The following ADGRL3 variants were observed in gnomAD, a reference collection of about 807,000 sequenced individuals.
The protein encoded by ADGRL3 is calcium-independent alpha-latrotoxin receptor 3.
Under a neutral mutation model 153.5 loss-of-function variants are expected in ADGRL3, and 62 were observed. That is an observed-to-expected ratio of 0.40 (90% CI 0.33 to 0.50). The LOEUF is 0.50. Among genes scored for constraint, ADGRL3 ranks in the 20% least tolerant of loss-of-function variants. ADGRL3 has a pLI of 0.47. For synonymous variants in ADGRL3, 710 were observed against 672.5 expected (o/e 1.06, Z -0.86); for missense variants, 1,641 against 1,859.4 (o/e 0.88, Z 2.16).
chr4:61,524,096 G>A (rs2098546341), intron 4 of ADGRL3, among the ~76,000 whole-genome samples: 1 of 152,046 alleles, frequency 6.6e-6, no homozygotes, highest in African/African-American at 2.4e-5. Flanking sequence ...CTCAGAATAA[G>A]TCAATTACTA....
chr4:61,891,042 T>A (rs1164885429), intron 9 of ADGRL3, among the ~76,000 whole-genome samples: 9 of 152,182 alleles, frequency 5.9e-5, no homozygotes, highest in African/African-American at 2.2e-4. Flanking sequence ...GAATTTTATG[T>A]TGGGATTGTG....
chr4:61,233,901 A>G (rs903206279), intron 1 of ADGRL3, among the ~76,000 whole-genome samples: 2 of 152,186 alleles, frequency 1.3e-5, no homozygotes, highest in African/African-American at 4.8e-5. Flanking sequence ...AAGATTGACA[A>G]TAAAGGTAGT....
At chr4:61,896,325 AT>A (rs1349800865) in intron 11 of ADGRL3, among the ~76,000 whole-genome samples, 3 of 152,168 alleles carry the variant, frequency 2.0e-5, no homozygotes, top group African/African-American at 7.2e-5. Flanking sequence ...TATGTTGAAC[AT>A]TTTTATTATT....
intron 4 of ADGRL3, among the ~76,000 whole-genome samples, chr4:61,567,412 A>T (rs2098820745): frequency 6.6e-6 from 1 of 152,146 alleles, no homozygotes; most frequent in South Asian, 2.1e-4. Context: ...AGGTGATAAG[A>T]TCACGAAGGC....
At chr4:61,812,227 A>G (rs2097636271) in intron 8 of ADGRL3, among the ~76,000 whole-genome samples, 1 of 152,170 alleles carries the variant, frequency 6.6e-6, no homozygotes. Flanking sequence ...TTAGTATTCC[A>G]CTGAAACATG....
chr4:61,227,066 TA>T lies in ADGRL3; in HGVS notation c.-240+25303del, dbSNP rs557614899. Reference sequence around the variant, plus strand: ...TTTTTAATTTATGTTTTCTGAAGTTTAACTTGAATTATAGTGCCTAGCACAT... The same window carrying T: ...TTTTTAATTTATGTTTTCTGAAGTTTACTTGAATTATAGTGCCTAGCACAT... On this transcript the variant is annotated intron_variant, in intron 1 of 26. Transcript: ENST00000683033. Among the ~76,000 whole-genome samples, 111 of 152,264 alleles carry T rather than the reference TA, an allele frequency of 7.3e-4. No individual in the cohort carries two copies. The East Asian group carries it at 0.013, about 18-fold the overall frequency.
chr4:61,702,119 A>G (rs2095775559), intron 6 of ADGRL3, among the ~76,000 whole-genome samples: 1 of 152,166 alleles, frequency 6.6e-6, no homozygotes, highest in African/African-American at 2.4e-5. Context: ...TTAGATATGT[A>G]AAGGATGATA....
At chr4:61,835,732 A>G (rs1419691936) in intron 9 of ADGRL3, among the ~76,000 whole-genome samples, 3 of 151,842 alleles carry the variant, frequency 2.0e-5, no homozygotes, top group South Asian at 2.1e-4. Flanking sequence ...ATGGGGGGAA[A>G]AAACCTCAGT....
chr4:61,827,162 A>ATGCT (rs2097815637), intron 9 of ADGRL3, among the ~76,000 whole-genome samples: 1 of 152,230 alleles, frequency 6.6e-6, no homozygotes, highest in African/African-American at 2.4e-5. Context: ...CCCTGGGGTT[A>ATGCT]AAGCCTTTGC....
chr4:61,792,277 A>T (rs2097352357), intron 8 of ADGRL3, among the ~76,000 whole-genome samples: 1 of 152,074 alleles, frequency 6.6e-6, no homozygotes, highest in South Asian at 2.1e-4. Context: ...CGTTTCACAC[A>T]TCTCTAGGGC....
chr4:61,744,088 G>A lies in ADGRL3; in HGVS notation c.1399+10534G>A, dbSNP rs184431968. Among the ~76,000 whole-genome samples, 5 of 152,288 alleles carry A rather than the reference G, an allele frequency of 3.3e-5. No homozygotes were observed. The South Asian group carries it at 8.3e-4, about 25-fold the overall frequency. ...CCGCACCTGGCTCGGAGGGTCCTAG[G>A]CCCATGGAGTCTCGCTGATTGCTAG... is the stretch of plus-strand genomic sequence containing the variant. On this transcript the variant is annotated intron_variant, in intron 8 of 26. Transcript: ENST00000683033.
intron 5 of ADGRL3, among the ~76,000 whole-genome samples, chr4:61,651,299 A>C (rs2150384874): frequency 6.6e-6 from 1 of 152,318 alleles, no homozygotes; most frequent in South Asian, 2.1e-4. Context: ...GGTACACCAT[A>C]AATATAAGTC....
chr4:61,550,397 A>G (rs913349696), intron 4 of ADGRL3, among the ~76,000 whole-genome samples: 1 of 152,030 alleles, frequency 6.6e-6, no homozygotes, highest in Non-Finnish European at 1.5e-5. Context: ...CACTTTTCTT[A>G]AGAAAGACAA....
chr4:61,878,670 C>T (rs1435525157), intron 9 of ADGRL3, among the ~76,000 whole-genome samples: 1 of 152,144 alleles, frequency 6.6e-6, no homozygotes, highest in Non-Finnish European at 1.5e-5. Context: ...TTAGAGTTCA[C>T]TTATTTATCA....
At chr4:61,837,108 C>T (rs2097948361) in intron 9 of ADGRL3, among the ~76,000 whole-genome samples, 1 of 152,024 alleles carries the variant, frequency 6.6e-6, no homozygotes, top group African/African-American at 2.4e-5. Flanking sequence ...GTTCATCCAG[C>T]TATTAAGTGC....
chr4:61,731,095 A>G (rs1282860270), intron 7 of ADGRL3, among the ~76,000 whole-genome samples: 4 of 152,020 alleles, frequency 2.6e-5, no homozygotes, highest in Non-Finnish European at 1.5e-5. Flanking sequence ...CAATTTTGAT[A>G]ACAATGGATA....
intron 1 of ADGRL3, among the ~76,000 whole-genome samples, chr4:61,211,178 G>A (rs183245632): frequency 1.8e-4 from 28 of 152,250 alleles, no homozygotes; most frequent in Middle Eastern, 6.8e-3. Context: ...CCTCCAGCTA[G>A]CTTTCTGCTG....
At chr4:62,059,224 T>C (rs907965834) in intron 25 of ADGRL3, among the ~76,000 whole-genome samples, 5 of 152,018 alleles carry the variant, frequency 3.3e-5, no homozygotes, top group African/African-American at 1.2e-4. Context: ...CATTAGGTGG[T>C]TCAAATGAGG....
intron 5 of ADGRL3, among the ~76,000 whole-genome samples, chr4:61,641,214 T>C (rs1172951740): frequency 1.3e-5 from 2 of 152,128 alleles, no homozygotes; most frequent in African/African-American, 2.4e-5. Context: ...GATTACATGA[T>C]GTGATGCCTA....
Sources: allele counts gnomAD v4.1 joint callset (sites outside exome capture counted in the v4.1 genomes callset), GRCh38; gene constraint gnomAD v4.1.1; transcripts MANE v1.5; gene names NCBI Gene and HGNC (gene_info 2026-07-23, HGNC 2026-07-21).